ZFTA: variants seen among roughly 807,000 people sequenced by gnomAD.
ZFTA encodes zinc finger translocation-associated protein.
A neutral mutation model predicts 41.8 loss-of-function variants in ZFTA; 35 were observed. That is an observed-to-expected ratio of 0.84 (90% CI 0.64 to 1.11). ZFTA has a LOEUF of 1.11. Among genes scored for constraint, ZFTA ranks in the 50% most tolerant of loss-of-function variants. The probability of loss-of-function intolerance (pLI) is 0.00; values close to 1 mark genes in which losing one functional copy is unlikely to be tolerated. For synonymous variants in ZFTA, 514 were observed against 436.4 expected (o/e 1.18, Z -2.22); for missense variants, 964 against 989.8 (o/e 0.97, Z 0.35).
chr11:63,763,366 G>A lies in ZFTA; in HGVS notation c.*52C>T. On this transcript the variant is annotated 3_prime_UTR_variant, in exon 5 of 5. Transcript: ENST00000433688. ...CGAAGGGCCGGGCGAGCACAGGGCG[G>A]GGCGGGGCCGATCCGACCCGACCCG... The A allele has an allele frequency of 1.7e-6, 2 of 1,181,662 alleles. No individual in the cohort carries two copies. The highest frequency in any genetic ancestry group is 2.1e-6 in the Non-Finnish European group (2 of 948,718). 73.2% of individuals were successfully genotyped at this position (1,181,662 alleles called of 1,614,324 possible). A position where few individuals can be genotyped will look rare whatever the true frequency, so the allele number is the denominator to read the frequency against.
rs1481215623 is a variant in ZFTA at position 63,766,030 on chromosome 11, G to C, written c.414C>G (p.Leu138=). ...VCGSSLATLK[L]STIKRHIRQK... ...GGCGGATGTGGCGCTTGATGGTGCT[G>C]AGCTTGAGGGTGGCCAGGGAGCTGC... is the stretch of plus-strand genomic sequence containing the variant. The change falls in exon 2 of 5, where the codon CTC becomes CTG. Residue 138 remains leucine, a synonymous_variant. Transcript: ENST00000433688. 1 of 1,551,268 alleles carries C rather than the reference G, an allele frequency of 6.4e-7. No individual in the cohort carries two copies. The highest frequency in any genetic ancestry group is 1.4e-5 in the African/African-American group (1 of 73,186).
Position 63,764,886 on chromosome 11 carries a change from G to C in ZFTA, c.1006C>G (p.Leu336Val). Residue 336 changes from leucine to valine, a missense_variant, in exon 3 of 5, where the codon CTC becomes GTC. Leu to Val is a conservative substitution (Grantham distance 32). Around this residue, in one of 5 missense-constraint regions of ZFTA, gnomAD observed 584 missense variants for 523.1 expected, o/e 1.12. Coordinates refer to ENST00000433688, the MANE Select transcript of ZFTA (RefSeq NM_001144936.2). ...WGGQPEALSELTQSPPGDDLA... is the reference protein window; with the variant it reads ...WGGQPEALSEVTQSPPGDDLA... The stretch of plus-strand genomic sequence containing the variant: ...CTCGCACCTGGTGGGGACTGGGTGA[G>C]CTCAGACAGCGCCTCGGGCTGGCCC... 6.6e-7 allele frequency: 1 copy of C among 1,514,310 alleles called. No homozygotes were observed. The highest frequency in any genetic ancestry group is 2.5e-5 in the East Asian group (1 of 40,436). 93.8% of individuals were successfully genotyped at this position (1,514,310 alleles called of 1,614,324 possible). A position where few individuals can be genotyped will look rare whatever the true frequency, so the allele number is the denominator to read the frequency against.
chr11:63,766,236 C>T lies in ZFTA; in HGVS notation c.208G>A (p.Ala70Thr). 1 of 1,531,320 alleles carries T rather than the reference C, an allele frequency of 6.5e-7. No individual in the cohort carries two copies. Among genetic ancestry groups the T allele is most frequent in the Non-Finnish European group, 8.8e-7 (1 of 1,139,640 alleles). The allele number at this position is 1,531,320 out of a possible 1,614,324, so 94.9% of individuals were successfully genotyped here. ...WGSAPLPSSRARGPASSGRKY... is the reference protein window; with the variant it reads ...WGSAPLPSSRTRGPASSGRKY... ...CTGCCTGAAGATGCTGGTCCCCTGG[C>T]CCTGGAGGAGGGCAGGGGGGCACTC... Residue 70 changes from alanine to threonine, a missense_variant, in exon 2 of 5, where the codon GCC (alanine) becomes ACC (threonine). Coordinates refer to ENST00000433688, the MANE Select transcript of ZFTA (RefSeq NM_001144936.2).
In ZFTA at chr11:63,765,305, C is replaced by A; in HGVS notation, c.638-51G>T. On this transcript the variant is annotated intron_variant, in intron 2 of 4. Transcript: ENST00000433688. The surrounding 1 kb of genome is among the most constrained non-coding windows in gnomAD (Gnocchi z 4.0). ...GAGACGCTGGCCCCACGGGAGCATA[C>A]CCACTACAGCCAGGTCTCCCACAAG... The A allele has an allele frequency of 1.4e-6, 2 of 1,413,942 alleles. No homozygotes were observed. 87.6% of individuals were successfully genotyped at this position (1,413,942 alleles called of 1,614,324 possible). A position where few individuals can be genotyped will look rare whatever the true frequency, so the allele number is the denominator to read the frequency against.
In ZFTA at chr11:63,765,821, G is replaced by A. The variant is rs916683348; in HGVS notation, c.623C>T (p.Pro208Leu). The A allele has an allele frequency of 1.1e-5, 16 of 1,482,572 alleles. No homozygotes were observed. The highest frequency in any genetic ancestry group is 7.4e-5 in the East Asian group (3 of 40,316). The allele number at this position is 1,482,572 out of a possible 1,614,324, so 91.8% of individuals were successfully genotyped here. ...EEEGAGVPAC[P>L]PKGPGKAPAG... ...ATTTGCATTACCTGGGCCCTTGGGCGGGCAAGCTGGGACACCGGCCCCCTC... is the reference window on the plus strand; with the variant it reads ...ATTTGCATTACCTGGGCCCTTGGGCAGGCAAGCTGGGACACCGGCCCCCTC... The change falls in exon 2 of 5, where the codon CCG (proline) becomes CTG (leucine). Residue 208 changes from proline to leucine, a missense_variant. Physicochemically the swap from Pro to Leu is moderately conservative, Grantham distance 98. Coordinates refer to ENST00000433688, the MANE Select transcript of ZFTA (RefSeq NM_001144936.2). This position sits in a 1 kb window ranked among gnomAD's most constrained non-coding sequence, Gnocchi z 4.0.
In ZFTA at chr11:63,764,151, C is replaced by A; in HGVS notation, c.1472G>T (p.Gly491Val). The change falls in exon 4 of 5, where the codon GGG becomes GTG. Residue 491 changes from glycine to valine, a missense_variant. By Grantham distance (109) the Gly-to-Val change is moderately radical. Transcript: ENST00000433688. ...SEKAAHLLAL[G>V]PPRPESPQGP... ...CTGGGGGGACTCGGGGCGGGGCGGC[C>A]CCAGGGCCAGCAGGTGGGCGGCCTT... 7.4e-7 allele frequency: 1 copy of A among 1,358,568 alleles called. No individual in the cohort carries two copies. The highest frequency in any genetic ancestry group is 3.1e-5 in the East Asian group (1 of 32,764). The allele number at this position is 1,358,568 out of a possible 1,614,324, so 84.2% of individuals were successfully genotyped here.
rs1338314832 is a variant in ZFTA, at chr11:63,761,480, C to G, written c.*1938G>C. On this transcript the variant is annotated 3_prime_UTR_variant, in exon 5 of 5. Transcript: ENST00000433688. The stretch of plus-strand genomic sequence containing the variant: ...GGAGTCACAGATCCACCGTGGTGGC[C>G]TGCATTGCCCAGCATGTCAATCCTT... 6.6e-6 allele frequency: 1 copy of G among 152,164 alleles called. No homozygotes were observed. Among genetic ancestry groups the G allele is most frequent in the Non-Finnish European group, 1.5e-5 (1 of 68,078 alleles). 9.4% of individuals were successfully genotyped at this position (152,164 alleles called of 1,614,324 possible).
intron 1 of ZFTA, among the ~76,000 whole-genome samples, chr11:63,766,705 G>A (rs2014752080): frequency 6.6e-6 from 1 of 152,132 alleles, no homozygotes; most frequent in Admixed American, 6.5e-5. Context: ...AAACAAAGGG[G>A]GCATCTGTCT....
Position 63,763,618 on chromosome 11 carries a change from T to A in ZFTA, c.1837A>T (p.Lys613Ter). 6.5e-7 allele frequency: 1 copy of A among 1,548,720 alleles called. No individual in the cohort carries two copies. Among genetic ancestry groups the A allele is most frequent in the Non-Finnish European group, 8.7e-7 (1 of 1,145,568 alleles). The change falls in exon 5 of 5, where the codon AAG becomes TAG. Residue 613 changes from lysine (K) to a stop codon, truncating the protein, a stop_gained. Coordinates refer to ENST00000433688, the MANE Select transcript of ZFTA (RefSeq NM_001144936.2). LOFTEE classifies it low-confidence loss of function (END_TRUNC). ...ATGTGGCGCTTGATGGTGCTCACCT[T>A]GAGCGTGGCCAGCGCGCCCCCGCAC... ...MVCGGALATL[K>*]VSTIKRHILQ...
At chr11:63,763,921 GC>G in intron 4 of ZFTA, 52 bp from the exon 5 acceptor site, 2 of 1,382,302 alleles carry the variant, frequency 1.4e-6, no homozygotes. Flanking sequence ...AGCGGGCTGG[GC>G]CCCGCGTCTC....
Position 63,765,748 on chromosome 11 carries a change from C to T in ZFTA, c.637+59G>A, listed in dbSNP as rs1338798150. The T allele has an allele frequency of 1.1e-5, 16 of 1,429,772 alleles. No individual in the cohort carries two copies. Among genetic ancestry groups the T allele is most frequent in the Non-Finnish European group, 1.5e-5 (16 of 1,094,600 alleles). 88.6% of individuals were successfully genotyped at this position (1,429,772 alleles called of 1,614,324 possible). On this transcript the variant is annotated intron_variant, in intron 2 of 4. Coordinates refer to ENST00000433688, the MANE Select transcript of ZFTA (RefSeq NM_001144936.2). The surrounding 1 kb of genome is among the most constrained non-coding windows in gnomAD (Gnocchi z 4.0). ...CCAGCTCCTTGGCAGAGCAGCTGGC[C>T]CACTGTGCCCCACTGGCCACCCAGG...
chr11:63,760,970 G>GA lies in ZFTA; in HGVS notation c.*2447dup, dbSNP rs1013775569. ...CCTCTCTCTGCCTACGGAGGGGGGG[G>GA]AATCTAACCCCTCTGCCCTGGCTTA... On this transcript the variant is annotated 3_prime_UTR_variant, in exon 5 of 5. Coordinates refer to ENST00000433688, the MANE Select transcript of ZFTA (RefSeq NM_001144936.2). 5 of 152,172 alleles carry GA rather than the reference G, an allele frequency of 3.3e-5. No individual in the cohort carries two copies. Among genetic ancestry groups the GA allele is most frequent in the South Asian group, 2.1e-4 (1 of 4,832 alleles). The allele number at this position is 152,172 out of a possible 1,614,324, so 9.4% of individuals were successfully genotyped here.
chr11:63,767,710 G>A (rs2014768154), intron 1 of ZFTA, among the ~76,000 whole-genome samples: 1 of 152,184 alleles, frequency 6.6e-6, no homozygotes, highest in Non-Finnish European at 1.5e-5. Flanking sequence ...ACCCTCAAGG[G>A]TCTTAAGGCG....
At position 63,765,891 on chromosome 11, in the gene ZFTA, G is replaced by GGACCCCCAGGCCCTCGGCCTCTCCGCA. The variant is rs2014737082; in HGVS notation, c.526_552dup (p.Cys176_Val184dup). ...TCCTCCTCCTCCTCCTCAGCCCCCT[G>GGACCCCCAGGCCCTCGGCCTCTCCGCA]GACCCCCAGGCCCTCGGCCTCTCCG... On this transcript the variant is annotated inframe_insertion, in exon 2 of 5. Transcript: ENST00000433688. The surrounding 1 kb of genome is among the most constrained non-coding windows in gnomAD (Gnocchi z 4.0). The GGACCCCCAGGCCCTCGGCCTCTCCGCA allele has an allele frequency of 1.9e-6, 3 of 1,543,102 alleles. No homozygotes were observed. The African/African-American group carries it at 4.1e-5, about 21-fold the overall frequency.
chr11:63,766,396 G>C, intron 1 of ZFTA, 92 bp from the exon 2 acceptor site: 1 of 1,386,082 alleles, frequency 7.2e-7, no homozygotes, highest in Admixed American at 3.4e-5. Context: ...AAAGGGAGCT[G>C]GGGGAGGGGG....
intron 4 of ZFTA, 61 bp from the exon 5 acceptor site, chr11:63,763,930 C>T: frequency 7.2e-7 from 1 of 1,382,428 alleles, no homozygotes; most frequent in Non-Finnish European, 9.4e-7. Flanking sequence ...GGCCCCGCGT[C>T]TCATCTCCAG....
chr11:63,764,257 G>A lies in ZFTA; in HGVS notation c.1366C>T (p.Arg456Cys). The change falls in exon 4 of 5, where the codon CGC becomes TGC. Residue 456 changes from arginine (R) to cysteine (C), a missense_variant. Arg to Cys is a radical substitution (Grantham distance 180, BLOSUM62 -3). Transcript: ENST00000433688. The stretch of plus-strand genomic sequence containing the variant: ...CCCGGGTGGCGCCGGCGGATGTGGC[G>A]CTCGATGGTGCTCATCTTGAGCGAG... The part of the protein sequence containing the change: ...LASLKMSTIE[R>C]HIRRRHPGST... 3 of 1,461,830 alleles carry A rather than the reference G, an allele frequency of 2.1e-6. No homozygotes were observed. Among genetic ancestry groups the A allele is most frequent in the Non-Finnish European group, 2.7e-6 (3 of 1,114,890 alleles). 90.6% of individuals were successfully genotyped at this position (1,461,830 alleles called of 1,614,324 possible).
Position 63,761,654 on chromosome 11 carries a change from C to T in ZFTA, c.*1764G>A, listed in dbSNP as rs2014639553. ...GTGTGATCATCTCGGTTCCTGGGCT[C>T]CAATTTACCTATCTGTGAAGGTGAG... On this transcript the variant is annotated 3_prime_UTR_variant, in exon 5 of 5. Transcript: ENST00000433688. 6.6e-6 allele frequency: 1 copy of T among 152,256 alleles called. No individual in the cohort carries two copies. Among genetic ancestry groups the T allele is most frequent in the Non-Finnish European group, 1.5e-5 (1 of 68,122 alleles). The allele number at this position is 152,256 out of a possible 1,614,324, so 9.4% of individuals were successfully genotyped here.
rs1028343003 is a variant in ZFTA at position 63,761,219 on chromosome 11, G to A, written c.*2199C>T. On this transcript the variant is annotated 3_prime_UTR_variant, in exon 5 of 5. Coordinates refer to ENST00000433688, the MANE Select transcript of ZFTA (RefSeq NM_001144936.2). Reference sequence around the variant, plus strand: ...AACCGTGGAGGTTCAAACTCACTGGGAATTTACTTTTCAGTCAATTGACAA... The same window carrying A: ...AACCGTGGAGGTTCAAACTCACTGGAAATTTACTTTTCAGTCAATTGACAA... 2 of 152,174 alleles carry A rather than the reference G, an allele frequency of 1.3e-5. No homozygotes were observed. Among genetic ancestry groups the A allele is most frequent in the Non-Finnish European group, 2.9e-5 (2 of 68,034 alleles). The allele number at this position is 152,174 out of a possible 1,614,324, so 9.4% of individuals were successfully genotyped here. A position where few individuals can be genotyped will look rare whatever the true frequency, so the allele number is the denominator to read the frequency against.
Sources: allele counts gnomAD v4.1 joint callset (sites outside exome capture counted in the v4.1 genomes callset), GRCh38; gene constraint gnomAD v4.1.1; regional missense constraint gnomAD v4.1.1; non-coding constraint Gnocchi (gnomAD v3.1); transcripts MANE v1.5; gene names NCBI Gene and HGNC (gene_info 2026-07-23, HGNC 2026-07-21).